Variants in NEBL observed in about 807,000 individuals in gnomAD.
The protein encoded by NEBL is nebulette.
A neutral mutation model predicts 140.2 loss-of-function variants in NEBL; 122 were observed. The observed-to-expected ratio is 0.87, with a 90% confidence interval of 0.75 to 1.01. The LOEUF (loss-of-function observed/expected upper bound fraction) is 1.01. NEBL is among the 50% of genes least tolerant of loss of function. The pLI is 0.00. For synonymous variants in NEBL, 436 were observed against 398.9 expected, an observed-to-expected ratio of 1.09 and a Z score of -1.11; for missense variants, 1,365 against 1,231.3, an observed-to-expected ratio of 1.11 and a Z score of -1.62.
chr10:21,242,306 A>C (rs963873758), intron 3 of NEBL, among the ~76,000 whole-genome samples: 6 of 152,252 alleles, frequency 3.9e-5, no homozygotes, highest in African/African-American at 7.2e-5. Context: ...GAATGAGATC[A>C]CGTGCTTTGC....
At chr10:21,149,473 T>C (rs2132122954) in intron 2 of NEBL, among the ~76,000 whole-genome samples, 1 of 152,256 alleles carries the variant, frequency 6.6e-6, no homozygotes, top group South Asian at 2.1e-4. Flanking sequence ...ATATTTTTAG[T>C]AGATACGGGG....
chr10:21,063,212 C>T (rs2131884553), intron 2 of NEBL, among the ~76,000 whole-genome samples: 1 of 152,270 alleles, frequency 6.6e-6, no homozygotes, highest in East Asian at 1.9e-4. Context: ...TCCGATCTTG[C>T]TCCCCCATAC....
chr10:21,163,347 A>G (rs1840632843), intron 2 of NEBL, among the ~76,000 whole-genome samples: 1 of 152,180 alleles, frequency 6.6e-6, no homozygotes, highest in South Asian at 2.1e-4. Flanking sequence ...TGGGGAGAGT[A>G]GGCAGGAGAA....
chr10:20,961,238 G>A (rs898767591), intron 4 of NEBL, among the ~76,000 whole-genome samples: 1 of 152,072 alleles, frequency 6.6e-6, no homozygotes, highest in Non-Finnish European at 1.5e-5. Context: ...TATTTCAAAA[G>A]TAAGATGTAA....
Position 21,020,287 on chromosome 10 carries a change from C to A in NEBL, c.165-86G>T, listed in dbSNP as rs1838735512. ...ACACCCATTGTTTTGCACATCCCCC[C>A]TTTTCCCAACCCCATCACAGTGGAA... On this transcript the variant is annotated intron_variant, in intron 2 of 6. Coordinates refer to the NEBL transcript ENST00000417816. 12 of 1,164,712 alleles carry A rather than the reference C, an allele frequency of 1.0e-5. No individual in the cohort carries two copies. In the South Asian group the frequency reaches 1.5e-4, roughly 14 times the overall value. 72.1% of individuals were successfully genotyped at this position (1,164,712 alleles called of 1,614,324 possible).
rs1554836851 is a variant in NEBL, at chr10:21,288,850, A to ATAT, written n.182+3979_182+3980insATA. 1.5e-3 allele frequency among the ~76,000 whole-genome samples: 112 copies of ATAT among 73,456 alleles called. 1 individual carries two copies. Among genetic ancestry groups the ATAT allele is most frequent in the African/African-American group, 7.2e-3 (110 of 15,348 alleles). The allele number at this position is 73,456 out of a possible 152,430, so 48.2% of individuals were successfully genotyped here. A position where few individuals can be genotyped will look rare whatever the true frequency, so the allele number is the denominator to read the frequency against. On this transcript the variant is annotated intron_variant and non_coding_transcript_variant, in intron 1 of 8. Transcript: ENST00000675702. ...TATATATATATATATATATATATATAAAAATTTTTTTTTTTTGAGACGGAG... is the reference window on the plus strand; with the variant it reads ...TATATATATATATATATATATATATATATAAAATTTTTTTTTTTTGAGACGGAG...
intron 7 of NEBL, among the ~76,000 whole-genome samples, chr10:20,866,244 G>C (rs1423641768): frequency 6.6e-6 from 1 of 151,998 alleles, no homozygotes; most frequent in African/African-American, 2.4e-5. Flanking sequence ...ATTATTTAAC[G>C]GGTATAGAGT....
chr10:21,252,121 G>C (rs910044766), intron 1 of NEBL, among the ~76,000 whole-genome samples: 2 of 152,182 alleles, frequency 1.3e-5, no homozygotes, highest in Non-Finnish European at 2.9e-5. Flanking sequence ...TTGGCTTATA[G>C]AAAAGTCTCC....
chr10:20,951,673 G>A (rs1835472780), intron 4 of NEBL, among the ~76,000 whole-genome samples: 1 of 152,066 alleles, frequency 6.6e-6, no homozygotes, highest in Non-Finnish European at 1.5e-5. Context: ...TTTTAAACCT[G>A]CCTCTAAAAC....
chr10:20,907,190 C>T (rs1848128117), intron 4 of NEBL, among the ~76,000 whole-genome samples: 1 of 152,000 alleles, frequency 6.6e-6, no homozygotes, highest in African/African-American at 2.4e-5. Flanking sequence ...ATCTCAGGGT[C>T]TTAATAAGCA....
chr10:21,023,492 G>A (rs573440965), intron 2 of NEBL, among the ~76,000 whole-genome samples: 5 of 152,150 alleles, frequency 3.3e-5, no homozygotes, highest in Non-Finnish European at 5.9e-5. Context: ...TCAGGAGTTC[G>A]AGACCAGCCT....
chr10:20,854,561 C>CTT (rs71390794), intron 9 of NEBL, among the ~76,000 whole-genome samples: 1,582 of 107,190 alleles, frequency 0.015, 27 homozygotes, highest in African/African-American at 0.035. Context: ...TCATATAGTA[C>CTT]TTTTTTTTTT....
At chr10:20,864,777 G>T (rs767401755) in intron 7 of NEBL, among the ~76,000 whole-genome samples, 3 of 152,062 alleles carry the variant, frequency 2.0e-5, no homozygotes, top group Non-Finnish European at 2.9e-5. Context: ...TAAACTTGCT[G>T]CCCAAATTTC....
intron 3 of NEBL, among the ~76,000 whole-genome samples, chr10:21,243,345 C>G (rs1271301532): frequency 7.0e-6 from 1 of 142,524 alleles, no homozygotes; most frequent in African/African-American, 2.6e-5. Context: ...TGCATGCTGT[C>G]GCCTAGACTG....
chr10:21,159,199 A>G (rs1359738160), intron 2 of NEBL, among the ~76,000 whole-genome samples: 3 of 152,110 alleles, frequency 2.0e-5, no homozygotes, highest in Non-Finnish European at 4.4e-5. Context: ...AAAGTCTTCT[A>G]TCTCACTTGA....
intron 4 of NEBL, among the ~76,000 whole-genome samples, chr10:20,909,655 T>C (rs1848247260): frequency 6.6e-6 from 1 of 152,214 alleles, no homozygotes; most frequent in Admixed American, 6.5e-5. Context: ...GTGACTTTTA[T>C]ACTATACAGT....
At chr10:20,802,015 A>T (rs1023269752) in intron 26 of NEBL, among the ~76,000 whole-genome samples, 1 of 152,182 alleles carries the variant, frequency 6.6e-6, no homozygotes, top group East Asian at 1.9e-4. Flanking sequence ...TCTGTTTTTC[A>T]TTCCCCATCA....
intron 2 of NEBL, among the ~76,000 whole-genome samples, chr10:21,105,868 T>C (rs1837693050): frequency 6.6e-6 from 1 of 152,218 alleles, no homozygotes; most frequent in Admixed American, 6.5e-5. Context: ...GACTTTTCAA[T>C]GATCACCATT....
At chr10:20,937,825 T>C (rs1479556089) in intron 4 of NEBL, among the ~76,000 whole-genome samples, 3 of 152,052 alleles carry the variant, frequency 2.0e-5, no homozygotes, top group Non-Finnish European at 4.4e-5. Context: ...CCTACACCCA[T>C]GGAGCCTCGC....
Sources: allele counts gnomAD v4.1 joint callset (sites outside exome capture counted in the v4.1 genomes callset), GRCh38; gene constraint gnomAD v4.1.1; transcripts MANE v1.5; gene names NCBI Gene and HGNC (gene_info 2026-07-23, HGNC 2026-07-21).